NAGK: variants seen among roughly 807,000 people sequenced by gnomAD.
The protein encoded by NAGK is N-acetylglucosamine kinase.
NAGK carries 35 observed loss-of-function variants against 42.9 expected under a neutral mutation model. That is an observed-to-expected ratio of 0.82 (90% confidence interval 0.62 to 1.08). NAGK has a LOEUF of 1.08. Ranked by LOEUF, NAGK falls within the 50% of genes least tolerant of loss-of-function variation. The pLI, the probability that NAGK is intolerant of heterozygous loss-of-function variation, is 0.00. For missense variants in NAGK, 446 were observed against 446.0 expected (o/e 1.00, Z 0.00); for synonymous variants, 172 against 176.0 (o/e 0.98, Z 0.18).
chr2:71,068,772 GC>G, intron 1 of NAGK, 60 bp downstream of exon 1: 18 of 1,436,358 alleles, frequency 1.3e-5, no homozygotes, highest in Non-Finnish European at 1.6e-5. Context: ...GCCGTGGCCA[GC>G]CTGGCAAGCT....
In NAGK at chr2:71,077,576, A is replaced by C; in HGVS notation, c.784A>C (p.Ile262Leu). 1 of 1,609,218 alleles carries C rather than the reference A, an allele frequency of 6.2e-7. No homozygotes were observed. The highest frequency in any genetic ancestry group is 2.2e-5 in the East Asian group (1 of 44,676). ...EIDPVLFQGK[I>L]GLPILCVGSV... The stretch of plus-strand genomic sequence containing the variant: ...CACCCAGGTCTTGTTCCAGGGCAAG[A>C]TTGGACTCCCCATCCTGTGCGTGGG... Residue 262 changes from isoleucine (I) to leucine (L), a missense_variant, in exon 9 of 10, where the codon ATT (isoleucine) becomes CTT (leucine). Coordinates refer to ENST00000244204, the MANE Select transcript of NAGK (RefSeq NM_017567.6).
In NAGK at chr2:71,079,132, A is replaced by T. The variant is rs1318713789; in HGVS notation, c.*624A>T. On this transcript the variant is annotated 3_prime_UTR_variant, in exon 10 of 10. Transcript: ENST00000244204. ...AATGAGTTTTTGAAAGGTTATGAGG[A>T]TGGCTGAGATCCAAGAAGACCAACT... is the stretch of plus-strand genomic sequence containing the variant. 6.6e-6 allele frequency: 1 copy of T among 152,386 alleles called. No homozygotes were observed. The highest frequency in any genetic ancestry group is 1.5e-5 in the Non-Finnish European group (1 of 68,190). 9.4% of individuals were successfully genotyped at this position (152,386 alleles called of 1,614,324 possible).
At chr2:71,077,945 TG>T in intron 9 of NAGK, among the ~76,000 whole-genome samples, 1 of 152,232 alleles carries the variant, frequency 6.6e-6, no homozygotes, top group Non-Finnish European at 1.5e-5. Context: ...TGTGATAACC[TG>T]GGGGACATCC....
At chr2:71,077,122 C>T (rs1219257661) in intron 8 of NAGK, among the ~76,000 whole-genome samples, 5 of 152,100 alleles carry the variant, frequency 3.3e-5, no homozygotes, top group Admixed American at 6.6e-5. Context: ...ATTACAGGCG[C>T]GCATCACCAT....
chr2:71,070,190 G>C (rs552165593), intron 1 of NAGK: 14 of 315,380 alleles, frequency 4.4e-5, no homozygotes, highest in Non-Finnish European at 7.4e-5. Flanking sequence ...GCACTATGAA[G>C]GTTTAACTAA....
At chr2:71,071,886 G>C in intron 4 of NAGK, 59 bp downstream of exon 4, 1 of 1,590,142 alleles carries the variant, frequency 6.3e-7, no homozygotes, top group Non-Finnish European at 8.6e-7. Context: ...AAGCCCCTTA[G>C]ATATAGCTGA....
intron 5 of NAGK, 158 bp from the exon 6 acceptor site, chr2:71,073,324 A>ACCCCCCCC: frequency 6.4e-5 from 12 of 188,380 alleles, no homozygotes; most frequent in South Asian, 1.3e-4. Context: ...AGACCCTCCC[A>ACCCCCCCC]CCCCCCTCTC....
chr2:71,070,501 G>C lies in NAGK; in HGVS notation c.30-1G>C. 4 of 1,613,420 alleles carry C rather than the reference G, an allele frequency of 2.5e-6. No individual in the cohort carries two copies. Among genetic ancestry groups the C allele is most frequent in the Non-Finnish European group, 3.4e-6 (4 of 1,179,570 alleles). ...ATCAAGTGCCCTCTTGTGTTCTGTA[G>C]GGGAGGCACACGATCCGAGGTCCTT... On this transcript the variant is annotated splice_acceptor_variant, in intron 1 of 9. Coordinates refer to ENST00000244204, the MANE Select transcript of NAGK (RefSeq NM_017567.6). LOFTEE classifies it high-confidence loss of function.
rs1346339329 is a variant in NAGK, at chr2:71,070,805, CAG to C, written c.180_181del (p.Val62GlyfsTer38). ...ATGGTGAACAGGGCCAAACGGAAAG[CAG>C]GGGTGGATCCTCTGGTACCGCTGCG... On this transcript the variant is annotated frameshift_variant, in exon 3 of 10. Coordinates refer to ENST00000244204, the MANE Select transcript of NAGK (RefSeq NM_017567.6). LOFTEE classifies it high-confidence loss of function. 6.2e-7 allele frequency: 1 copy of C among 1,614,024 alleles called. No homozygotes were observed. Among genetic ancestry groups the C allele is most frequent in the Non-Finnish European group, 8.5e-7 (1 of 1,180,016 alleles).
chr2:71,072,496 C>CT (rs1672053315), intron 4 of NAGK, 145 bp from the exon 5 acceptor site: 1 of 632,004 alleles, frequency 1.6e-6, no homozygotes, highest in African/African-American at 1.8e-5. Context: ...AGGCAGGAAA[C>CT]TAGCTGGGCT....
chr2:71,072,171 A>G (rs571177328), intron 4 of NAGK: 1 of 292,144 alleles, frequency 3.4e-6, no homozygotes, highest in South Asian at 5.1e-5. Flanking sequence ...TTTTGGTGTC[A>G]TGGGATTGGT....
chr2:71,068,478 G>C (rs904599895), upstream of NAGK: 25 of 1,408,776 alleles, frequency 1.8e-5, no homozygotes, highest in Non-Finnish European at 2.3e-5. Flanking sequence ...ACCTGGAGGA[G>C]ACACCAGAAG....
At chr2:71,076,827 A>C in intron 8 of NAGK, 126 bp downstream of exon 8, 1 of 804,090 alleles carries the variant, frequency 1.2e-6, no homozygotes, top group Non-Finnish European at 2.0e-6. Context: ...CTTAGGGTCT[A>C]AGAAGCATTC....
upstream of NAGK, chr2:71,068,562 G>A (rs373528924): frequency 4.0e-6 from 6 of 1,511,520 alleles, no homozygotes; most frequent in African/African-American, 7.2e-5. Context: ...ACGCGCACAG[G>A]GAGTCAGCTG....
At chr2:71,076,797 T>C (rs1471236757) in intron 8 of NAGK, 96 bp downstream of exon 8, 1 of 1,010,264 alleles carries the variant, frequency 9.9e-7, no homozygotes, top group Non-Finnish European at 1.5e-6. Flanking sequence ...CTGCATAGAT[T>C]GGATACTATT....
At position 71,079,235 on chromosome 2, in the gene NAGK, T is replaced by C. The variant is rs189080906; in HGVS notation, c.*727T>C. 1 of 152,364 alleles carries C rather than the reference T, an allele frequency of 6.6e-6. No individual in the cohort carries two copies. Among genetic ancestry groups the C allele is most frequent in the Non-Finnish European group, 1.5e-5 (1 of 68,050 alleles). 9.4% of individuals were successfully genotyped at this position (152,364 alleles called of 1,614,324 possible). On this transcript the variant is annotated 3_prime_UTR_variant, in exon 10 of 10. Transcript: ENST00000244204. ...TCTGCTTACAGCGTGACACTATGTGTTGTGTGTTCCTGGGAATGAGGAGCA... is the reference window on the plus strand; with the variant it reads ...TCTGCTTACAGCGTGACACTATGTGCTGTGTGTTCCTGGGAATGAGGAGCA...
chr2:71,078,281 TCTC>T (rs748376119), intron 9 of NAGK, 34 bp from the exon 10 acceptor site: 29 of 1,600,874 alleles, frequency 1.8e-5, no homozygotes, highest in South Asian at 1.2e-4. Flanking sequence ...AGGTTGCTGT[TCTC>T]CTCTTATCTC....
rs1389999138 is a variant in NAGK at position 71,072,698 on chromosome 2, G to T, written c.413G>T (p.Gly138Val). The T allele has an allele frequency of 4.3e-6, 7 of 1,614,054 alleles. No homozygotes were observed. The highest frequency in any genetic ancestry group is 2.2e-5 in the East Asian group (1 of 44,904). The change falls in exon 5 of 10, where the codon GGC becomes GTC. Residue 138 changes from glycine to valine, a missense_variant. Transcript: ENST00000244204. ...AACTGCAGGCTCATCAACCCTGATGGCTCCGAGAGTGGCTGCGGCGGCTGG... is the reference window on the plus strand; with the variant it reads ...AACTGCAGGCTCATCAACCCTGATGTCTCCGAGAGTGGCTGCGGCGGCTGG... ...GSNCRLINPDGSESGCGGWGH... is the reference protein window; with the variant it reads ...GSNCRLINPDVSESGCGGWGH...
intron 8 of NAGK, 43 bp downstream of exon 8, chr2:71,076,744 G>T: frequency 1.3e-6 from 2 of 1,536,188 alleles, no homozygotes; most frequent in South Asian, 1.1e-5. Flanking sequence ...GCTGGGTGAG[G>T]AGTGGTCCTT....
Sources: gnomAD v4.1 joint callset for allele counts (sites outside exome capture counted in the v4.1 genomes callset) on GRCh38, gnomAD v4.1.1 for gene constraint, MANE v1.5 for transcripts, NCBI Gene and HGNC (gene_info 2026-07-23, HGNC 2026-07-21) for gene names.